TASP1: variants seen among roughly 807,000 people sequenced by gnomAD.
TASP1 encodes taspase 1.
Under a neutral mutation model 56.6 loss-of-function variants are expected in TASP1, and 16 were observed. The observed-to-expected ratio is 0.28, with a 90% CI of 0.19 to 0.43. The LOEUF (loss-of-function observed/expected upper bound fraction) is 0.43. Among genes scored for constraint, TASP1 ranks in the 20% least tolerant of loss-of-function variants. TASP1 has a pLI of 1.00. For synonymous variants in TASP1, 179 were observed against 184.2 expected (o/e 0.97, Z 0.23); for missense variants, 393 against 511.6 (o/e 0.77, Z 2.24).
chr20:13,305,199 TAAAAAA>T, the TASP1 span, among the ~76,000 whole-genome samples: 1 of 137,490 alleles, frequency 7.3e-6, no homozygotes. Context: ...GTTGAGTTGT[TAAAAAA>T]AAAAAAAAAA....
intron 11 of TASP1, among the ~76,000 whole-genome samples, chr20:13,478,874 G>T (rs1357696871): frequency 1.3e-5 from 2 of 152,094 alleles, no homozygotes; most frequent in Non-Finnish European, 2.9e-5. Flanking sequence ...CTTATATGCA[G>T]TAAAATGATA....
chr20:13,608,010 A>G (rs1170885797), intron 4 of TASP1, among the ~76,000 whole-genome samples: 1 of 152,222 alleles, frequency 6.6e-6, no homozygotes, highest in Non-Finnish European at 1.5e-5. Context: ...TACTAACTTC[A>G]TTGATAAGCA....
the TASP1 span, among the ~76,000 whole-genome samples, chr20:13,367,171 C>T: frequency 6.6e-6 from 1 of 152,316 alleles, no homozygotes; most frequent in Admixed American, 6.5e-5. Flanking sequence ...ACACAGCATC[C>T]TGGTAGAGTA....
chr20:13,627,766 A>G (rs1052695271), intron 2 of TASP1, among the ~76,000 whole-genome samples: 3 of 150,284 alleles, frequency 2.0e-5, no homozygotes, highest in African/African-American at 7.5e-5. Context: ...CCATTAAATC[A>G]TTCTGAGCCT....
intron 4 of TASP1, among the ~76,000 whole-genome samples, chr20:13,610,326 G>A (rs374422054): frequency 6.6e-6 from 1 of 152,166 alleles, no homozygotes; most frequent in African/African-American, 2.4e-5. Context: ...CCATTTACAT[G>A]AAGTTCTAGA....
At chr20:13,486,900 A>G (rs560972238) in intron 10 of TASP1, among the ~76,000 whole-genome samples, 1 of 152,220 alleles carries the variant, frequency 6.6e-6, no homozygotes, top group Non-Finnish European at 1.5e-5. Context: ...GAAACGCTGA[A>G]TTGTTTCTCC....
rs1427934458 is a variant in TASP1 at position 13,393,677 on chromosome 20, C to A, written c.1171-3225G>T. ...CCCACATGGCCTCCAAGGAATAAGA[C>A]CCCTGGACCACCAGCCCCAGCGACA... On this transcript the variant is annotated intron_variant, in intron 13 of 13. Transcript: ENST00000337743. The A allele has an allele frequency of 1.4e-5, 18 of 1,283,320 alleles. No homozygotes were observed. In the South Asian group the frequency reaches 1.7e-4, roughly 12 times the overall value. The allele number at this position is 1,283,320 out of a possible 1,614,324, so 79.5% of individuals were successfully genotyped here.
chr20:13,532,676 T>C (rs938598047), intron 9 of TASP1, among the ~76,000 whole-genome samples: 2 of 152,200 alleles, frequency 1.3e-5, no homozygotes, highest in African/African-American at 2.4e-5. Flanking sequence ...CGTAATATCC[T>C]GCTAACATAG....
the TASP1 span, among the ~76,000 whole-genome samples, chr20:13,192,152 G>C: frequency 4.5e-4 from 69 of 152,294 alleles, no homozygotes; most frequent in Non-Finnish European, 6.6e-4. Flanking sequence ...CAAAAGCTGA[G>C]GGAATTCACT....
At chr20:13,352,215 C>T in the TASP1 span, among the ~76,000 whole-genome samples, 2 of 152,080 alleles carry the variant, frequency 1.3e-5, no homozygotes, top group Non-Finnish European at 2.9e-5. Context: ...TTTGGGAGGC[C>T]AAGGTGGGTG....
the TASP1 span, among the ~76,000 whole-genome samples, chr20:13,139,560 G>A: frequency 6.6e-6 from 1 of 152,108 alleles, no homozygotes; most frequent in Admixed American, 6.6e-5. Context: ...CCTTTTTCAG[G>A]CACATTTTCA....
the TASP1 span, among the ~76,000 whole-genome samples, chr20:13,111,136 T>A: frequency 6.6e-6 from 1 of 152,190 alleles, no homozygotes; most frequent in Non-Finnish European, 1.5e-5. Flanking sequence ...ATTTTATTTT[T>A]AACATTTTTA....
At chr20:13,455,426 A>G (rs1429573668) in intron 11 of TASP1, among the ~76,000 whole-genome samples, 1 of 152,130 alleles carries the variant, frequency 6.6e-6, no homozygotes, top group Non-Finnish European at 1.5e-5. Flanking sequence ...GCACTAAGAA[A>G]TATAAGACAT....
At chr20:13,213,994 G>A in the TASP1 span, among the ~76,000 whole-genome samples, 3 of 152,292 alleles carry the variant, frequency 2.0e-5, no homozygotes, top group South Asian at 2.1e-4. Context: ...AAGACCGAAG[G>A]TGATAAACAG....
intron 7 of TASP1, among the ~76,000 whole-genome samples, chr20:13,562,760 C>T (rs936702993): frequency 2.0e-5 from 3 of 151,148 alleles, no homozygotes; most frequent in Non-Finnish European, 4.4e-5. Context: ...ACCTGTAGTC[C>T]CAGCTACTCC....
the TASP1 span, among the ~76,000 whole-genome samples, chr20:13,134,955 T>C: frequency 1.3e-5 from 2 of 152,180 alleles, no homozygotes; most frequent in Non-Finnish European, 2.9e-5. Context: ...GCATCAGGAA[T>C]AGGAAAGGGA....
chr20:13,135,483 T>C, the TASP1 span, among the ~76,000 whole-genome samples: 1 of 152,204 alleles, frequency 6.6e-6, no homozygotes, highest in Non-Finnish European at 1.5e-5. Context: ...ACCTGATGCA[T>C]CTAGTGAATA....
the TASP1 span, among the ~76,000 whole-genome samples, chr20:13,253,685 A>G: frequency 6.6e-6 from 1 of 152,106 alleles, no homozygotes; most frequent in African/African-American, 2.4e-5. Context: ...ACACATTTCC[A>G]GGCGATTCCA....
At chr20:13,553,958 A>C (rs982792599) in intron 8 of TASP1, among the ~76,000 whole-genome samples, 1 of 152,168 alleles carries the variant, frequency 6.6e-6, no homozygotes, top group Non-Finnish European at 1.5e-5. Context: ...TAGCCATGTG[A>C]CTGAATTGTG....
Sources: gnomAD v4.1 joint callset for allele counts (sites outside exome capture counted in the v4.1 genomes callset) on GRCh38, gnomAD v4.1.1 for gene constraint, MANE v1.5 for transcripts, NCBI Gene and HGNC (gene_info 2026-07-23, HGNC 2026-07-21) for gene names.